The following MTMR7 variants were observed in gnomAD, a reference collection of about 807,000 sequenced individuals.
MTMR7 encodes the protein myotubularin related protein 7.
A neutral mutation model predicts 81.2 loss-of-function variants in MTMR7; 76 were observed. The observed-to-expected ratio is 0.94, with a 90% CI of 0.78 to 1.13. The LOEUF (loss-of-function observed/expected upper bound fraction) is 1.13. MTMR7 is among the 50% of genes most tolerant of loss of function. The pLI, the probability that MTMR7 is intolerant of heterozygous loss-of-function variation, is 0.00. For missense variants in MTMR7, 1,044 were observed against 820.0 expected (o/e 1.27, Z -3.34); for synonymous variants, 372 against 289.8 (o/e 1.28, Z -2.88).
chr8:17,302,205 T>C lies in MTMR7; in HGVS notation c.1569A>G (p.Ala523=). Residue 523 remains alanine (A), a synonymous_variant, in exon 13 of 14, where the codon GCA becomes GCG. Coordinates refer to ENST00000180173, the MANE Select transcript of MTMR7 (RefSeq NM_004686.5). ...PRQSVTDYLM[A]VKEETQQLEE... is the part of the protein sequence containing the mutation. ...CTAGCTGCTGAGTTTCTTCCTTCAC[T>C]GCCATTAGGTAATCTGTAACTGACT... is the stretch of plus-strand genomic sequence containing the variant. The C allele has an allele frequency of 1.2e-6, 2 of 1,614,148 alleles. No individual in the cohort carries two copies. The highest frequency in any genetic ancestry group is 1.7e-6 in the Non-Finnish European group (2 of 1,179,992).
rs533967523 is a variant in MTMR7 at position 17,349,133 on chromosome 8, G to A, written c.469-52C>T. On this transcript the variant is annotated intron_variant, in intron 4 of 13. Transcript: ENST00000180173. The stretch of plus-strand genomic sequence containing the variant: ...TTTAGGCCATCTAGTAATGCCCTGC[G>A]AACTGCCCCCAGAAATTCCACTTCA... 1.1e-4 allele frequency: 175 copies of A among 1,583,374 alleles called. No homozygotes were observed. In the South Asian group the frequency reaches 1.7e-3, roughly 15 times the overall value.
intron 1 of MTMR7, among the ~76,000 whole-genome samples, chr8:17,382,529 C>G (rs1346845759): frequency 6.6e-6 from 1 of 152,136 alleles, no homozygotes; most frequent in Non-Finnish European, 1.5e-5. Flanking sequence ...TAAAGACTTT[C>G]ATTTGACTTT....
chr8:17,364,382 G>A (rs1025115415), intron 3 of MTMR7, among the ~76,000 whole-genome samples: 3 of 152,196 alleles, frequency 2.0e-5, no homozygotes, highest in South Asian at 4.1e-4. Context: ...ATTAATTCAA[G>A]CTAATTAACA....
chr8:17,370,843 A>G (rs766837801), intron 3 of MTMR7, among the ~76,000 whole-genome samples, 194 bp downstream of exon 3: 4 of 152,146 alleles, frequency 2.6e-5, no homozygotes, highest in Admixed American at 2.0e-4. Flanking sequence ...CACATAATAA[A>G]TAACTCGGGG....
intron 3 of MTMR7, among the ~76,000 whole-genome samples, chr8:17,362,778 C>G (rs117735730): frequency 0.016 from 2,386 of 152,284 alleles, 24 homozygotes; most frequent in Middle Eastern, 0.058. Context: ...ATTTAAGTTT[C>G]CTAAATACAT....
At chr8:17,382,781 T>G (rs530011822) in intron 1 of MTMR7, among the ~76,000 whole-genome samples, 8 of 152,280 alleles carry the variant, frequency 5.3e-5, no homozygotes, top group Non-Finnish European at 1.2e-4. Flanking sequence ...CTCAATGTTC[T>G]TCCACTGTGA....
At chr8:17,379,108 A>G (rs186526377) in intron 1 of MTMR7, among the ~76,000 whole-genome samples, 50 of 152,256 alleles carry the variant, frequency 3.3e-4, no homozygotes, top group Non-Finnish European at 5.7e-4. Context: ...TTTAAGAGAG[A>G]GGGAGTGTCT....
intron 5 of MTMR7, among the ~76,000 whole-genome samples, chr8:17,346,875 C>T (rs1819567413): frequency 7.8e-6 from 1 of 127,446 alleles, no homozygotes; most frequent in Admixed American, 8.4e-5. Context: ...TCTATTTATC[C>T]TATCTTAATA....
intron 3 of MTMR7, among the ~76,000 whole-genome samples, chr8:17,369,161 G>A (rs1820329023): frequency 6.6e-6 from 1 of 152,182 alleles, no homozygotes; most frequent in Non-Finnish European, 1.5e-5. Context: ...TGTTAGCACA[G>A]AATTCTCCTC....
rs1235482001 is a variant in MTMR7, at chr8:17,298,994, C to G, written c.*868G>C. ...GTTCTTGAAACTGGATTTTCACTCA[C>G]AGATGTTTTATCTACTAACTTTATA... On this transcript the variant is annotated 3_prime_UTR_variant, in exon 14 of 14. Coordinates refer to ENST00000180173, the MANE Select transcript of MTMR7 (RefSeq NM_004686.5). 1 of 152,212 alleles carries G rather than the reference C, an allele frequency of 6.6e-6. No homozygotes were observed. Among genetic ancestry groups the G allele is most frequent in the Non-Finnish European group, 1.5e-5 (1 of 68,028 alleles). The allele number at this position is 152,212 out of a possible 1,614,324, so 9.4% of individuals were successfully genotyped here.
intron 4 of MTMR7, among the ~76,000 whole-genome samples, chr8:17,357,952 T>A (rs1423877416): frequency 6.6e-6 from 1 of 152,190 alleles, no homozygotes; most frequent in African/African-American, 2.4e-5. Flanking sequence ...TAACTTTTAT[T>A]CTAAATGAAA....
Position 17,341,390 on chromosome 8 carries a change from G to A in MTMR7, c.705C>T (p.Phe235=), listed in dbSNP as rs199819762. ...TAGGCCGGGTGTCAACGACATAAAC[G>A]AAGTCACTTCCTGGATTGGCTTTCC... ...AIRKANPGSD[F]VYVVDTRPKL... The change falls in exon 6 of 14, where the codon TTC becomes TTT. Residue 235 remains phenylalanine, a synonymous_variant. Coordinates refer to ENST00000180173, the MANE Select transcript of MTMR7 (RefSeq NM_004686.5). The A allele has an allele frequency of 2.7e-5, 43 of 1,614,068 alleles. No individual in the cohort carries two copies. The Middle Eastern group carries it at 4.9e-4, about 19-fold the overall frequency.
intron 3 of MTMR7, among the ~76,000 whole-genome samples, chr8:17,367,060 G>C (rs540371458): frequency 2.0e-5 from 3 of 152,154 alleles, no homozygotes; most frequent in African/African-American, 7.2e-5. Flanking sequence ...TAACACAGTG[G>C]AAAAGGGCTG....
chr8:17,332,222 GA>G (rs34010228), intron 6 of MTMR7, among the ~76,000 whole-genome samples: 31,293 of 151,902 alleles, frequency 0.21, 5,590 homozygotes, highest in African/African-American at 0.49. Flanking sequence ...CTCACCACCA[GA>G]AAAAAATATC....
intron 1 of MTMR7, among the ~76,000 whole-genome samples, chr8:17,396,016 T>C (rs1336447362): frequency 6.6e-6 from 1 of 152,044 alleles, no homozygotes; most frequent in Non-Finnish European, 1.5e-5. Context: ...AAGATTAAAC[T>C]ACCGGAAATA....
At chr8:17,303,705 G>GTTCAAGTGA (rs1264554655) in intron 12 of MTMR7, among the ~76,000 whole-genome samples, 1 of 151,424 alleles carries the variant, frequency 6.6e-6, no homozygotes, top group Middle Eastern at 3.2e-3. Context: ...CTCCTCCCTG[G>GTTCAAGTGA]TTCAAGTGAT....
rs368013961 is a variant in MTMR7 at position 17,373,226 on chromosome 8, G to T, written c.39C>A (p.Arg13=). 2.5e-6 allele frequency: 4 copies of T among 1,612,480 alleles called. No individual in the cohort carries two copies. Among genetic ancestry groups the T allele is most frequent in the Non-Finnish European group, 3.4e-6 (4 of 1,179,300 alleles). ...HIRTPKVENV[R]LVDRVSPKKA... ...TTTTAGGAGACACTCGATCTACCAA[G>T]CGGACATTTTCAACCTAGAGAAATC... The change falls in exon 2 of 14, where the codon CGC becomes CGA. Residue 13 remains arginine (R), a synonymous_variant. Coordinates refer to ENST00000180173, the MANE Select transcript of MTMR7 (RefSeq NM_004686.5).
At chr8:17,360,749 G>C (rs1289094836) in intron 4 of MTMR7, among the ~76,000 whole-genome samples, 1 of 151,980 alleles carries the variant, frequency 6.6e-6, no homozygotes, top group African/African-American at 2.4e-5. Flanking sequence ...ACTGCCTTCA[G>C]AGTCTCCCTG....
intron 7 of MTMR7, among the ~76,000 whole-genome samples, chr8:17,321,956 G>C (rs150101526): frequency 1.3e-5 from 2 of 152,198 alleles, no homozygotes; most frequent in African/African-American, 4.8e-5. Context: ...ATCTGCCTTA[G>C]GTATTTCCTA....
Sources: allele counts gnomAD v4.1 joint callset (sites outside exome capture counted in the v4.1 genomes callset), GRCh38; gene constraint gnomAD v4.1.1; transcripts MANE v1.5; gene names NCBI Gene and HGNC (gene_info 2026-07-23, HGNC 2026-07-21).